Variants in CRYBG3 observed in about 807,000 individuals in gnomAD.
CRYBG3 encodes the protein very large A-kinase anchor protein.
In CRYBG3, 127 loss-of-function variants were observed where a neutral mutation model predicts 244.2. The observed-to-expected ratio is 0.52, with a 90% CI of 0.45 to 0.60. The LOEUF is 0.60. CRYBG3 is among the 20% of genes least tolerant of loss of function. The pLI is 0.00. For missense variants in CRYBG3, 3,325 were observed against 3,442.5 expected (o/e 0.97, Z 0.85); for synonymous variants, 1,132 against 1,195.8 (o/e 0.95, Z 1.10).
intron 2 of CRYBG3, among the ~76,000 whole-genome samples, chr3:97,863,329 A>G (rs2039177575): frequency 6.6e-6 from 1 of 152,154 alleles, no homozygotes. Context: ...CATGAAGTGG[A>G]ATGCCAACAT....
At chr3:97,893,459 T>C (rs1302278510) in intron 11 of CRYBG3, among the ~76,000 whole-genome samples, 2 of 152,240 alleles carry the variant, frequency 1.3e-5, no homozygotes, top group African/African-American at 4.8e-5. Context: ...GAACTGCTTT[T>C]GAGGAAGCTC....
Position 97,876,184 on chromosome 3 carries a change from A to G in CRYBG3, c.4990A>G (p.Thr1664Ala), listed in dbSNP as rs2039369442. Reference sequence around the variant, plus strand: ...TGTAAAGACTGAGATGACACCTGTTACAGTAGACATGGAAAATATTTACCA... The same window carrying G: ...TGTAAAGACTGAGATGACACCTGTTGCAGTAGACATGGAAAATATTTACCA... ...DIVKTEMTPV[T>A]VDMENIYQTH... is the part of the protein sequence containing the mutation. The change falls in exon 4 of 22, where the codon ACA (threonine) becomes GCA (alanine). Residue 1664 changes from threonine (T) to alanine (A), a missense_variant. Physicochemically the swap from Thr to Ala is moderately conservative, Grantham distance 58 (BLOSUM62 0). Coordinates refer to ENST00000389622, the MANE Select transcript of CRYBG3 (RefSeq NM_153605.4). The G allele has an allele frequency of 8.1e-7, 1 of 1,231,990 alleles. No homozygotes were observed. The highest frequency in any genetic ancestry group is 1.0e-6 in the Non-Finnish European group (1 of 987,920). The allele number at this position is 1,231,990 out of a possible 1,614,324, so 76.3% of individuals were successfully genotyped here.
rs759773352 is a variant in CRYBG3, at chr3:97,875,865, T to C, written c.4671T>C (p.Asn1557=). ...CAAACAAAAAGGATGCTGAATTGAA[T>C]ATTCTGAAATATGAGGCAGTCCCTC... The part of the protein sequence containing the change: ...GKTNKKDAEL[N]ILKYEAVPPM... The change falls in exon 4 of 22, where the codon AAT becomes AAC. Residue 1557 remains asparagine, a synonymous_variant. Transcript: ENST00000389622. 4.9e-6 allele frequency: 6 copies of C among 1,231,876 alleles called. No homozygotes were observed. Among genetic ancestry groups the C allele is most frequent in the Non-Finnish European group, 5.1e-6 (5 of 987,888 alleles). 76.3% of individuals were successfully genotyped at this position (1,231,876 alleles called of 1,614,324 possible). A position where few individuals can be genotyped will look rare whatever the true frequency, so the allele number is the denominator to read the frequency against.
At chr3:97,836,796 C>T (rs1445712007) in intron 1 of CRYBG3, among the ~76,000 whole-genome samples, 2 of 152,086 alleles carry the variant, frequency 1.3e-5, no homozygotes, top group African/African-American at 2.4e-5. Context: ...AAATAAGGGA[C>T]GGTAGACATT....
intron 2 of CRYBG3, among the ~76,000 whole-genome samples, chr3:97,860,831 G>A (rs1326218056): frequency 4.6e-5 from 7 of 151,874 alleles, no homozygotes; most frequent in African/African-American, 2.4e-5. Flanking sequence ...TTTCCATAGG[G>A]ATCTTTTGTT....
At chr3:97,914,016 G>A (rs533349374) in intron 16 of CRYBG3, among the ~76,000 whole-genome samples, 1 of 151,952 alleles carries the variant, frequency 6.6e-6, no homozygotes, top group Non-Finnish European at 1.5e-5. Context: ...TGTGACCCCT[G>A]CTTAATAATA....
chr3:97,838,575 G>A (rs1055061703), intron 1 of CRYBG3, among the ~76,000 whole-genome samples: 1 of 152,074 alleles, frequency 6.6e-6, no homozygotes, highest in African/African-American at 2.4e-5. Flanking sequence ...ATATAGACAT[G>A]AGTTCTGAAA....
At chr3:97,896,223 C>A in intron 12 of CRYBG3, 138 bp downstream of exon 12, 1 of 697,078 alleles carries the variant, frequency 1.4e-6, no homozygotes, top group Non-Finnish European at 2.2e-6. Context: ...GCTTATGCAA[C>A]TTGCCTGTTT....
At chr3:97,828,267 T>G (rs2038604491) in intron 1 of CRYBG3, among the ~76,000 whole-genome samples, 1 of 152,176 alleles carries the variant, frequency 6.6e-6, no homozygotes, top group Non-Finnish European at 1.5e-5. Flanking sequence ...TATTGCAGAT[T>G]CACATACTCA....
In CRYBG3 at chr3:97,872,207, G is replaced by A. The variant is rs1265932812; in HGVS notation, c.1013G>A (p.Trp338Ter). 3.3e-6 allele frequency: 5 copies of A among 1,535,542 alleles called. No homozygotes were observed. In the Middle Eastern group the frequency reaches 6.7e-4, roughly 205 times the overall value. ...SSNNLLNKNA[W>*]GSIERNRSSP... is the part of the protein sequence containing the mutation. The stretch of plus-strand genomic sequence containing the variant: ...AATAATCTTTTAAATAAAAATGCTT[G>A]GGGGAGTATTGAGAGAAATAGGTCA... The change falls in exon 4 of 22, where the codon TGG becomes TAG. Residue 338 changes from tryptophan to a stop codon, truncating the protein, a stop_gained. Transcript: ENST00000389622. LOFTEE classifies it high-confidence loss of function.
rs2039335851 is a variant in CRYBG3, at chr3:97,873,841, G to C, written c.2647G>C (p.Gly883Arg). Residue 883 changes from glycine (G) to arginine (R), a missense_variant, in exon 4 of 22, where the codon GGC (glycine) becomes CGC (arginine). By Grantham distance (125) the Gly-to-Arg change is moderately radical (BLOSUM62 -2). Coordinates refer to ENST00000389622, the MANE Select transcript of CRYBG3 (RefSeq NM_153605.4). ...SELTFLEVEQ[G>R]KRFQSINHNE... ...ATTAACCTTTCTAGAAGTTGAACAG[G>C]GCAAACGTTTTCAATCAATTAATCA... The C allele has an allele frequency of 6.5e-7, 1 of 1,534,806 alleles. No individual in the cohort carries two copies.
chr3:97,860,555 A>G (rs2039131337), intron 2 of CRYBG3, among the ~76,000 whole-genome samples: 1 of 152,130 alleles, frequency 6.6e-6, no homozygotes, highest in Non-Finnish European at 1.5e-5. Flanking sequence ...GGGGATGAAT[A>G]TTGTAAGTAG....
chr3:97,872,509 T>C lies in CRYBG3; in HGVS notation c.1315T>C (p.Cys439Arg), dbSNP rs2039317229. The C allele has an allele frequency of 3.9e-6, 6 of 1,535,964 alleles. No homozygotes were observed. The Admixed American group carries it at 9.8e-5, about 25-fold the overall frequency. The change falls in exon 4 of 22, where the codon TGT becomes CGT. Residue 439 changes from cysteine to arginine, a missense_variant. Cys to Arg is a radical substitution (Grantham distance 180). Transcript: ENST00000389622. ...PQGPAISDFS[C>R]SKSDGSDTTE... Reference sequence around the variant, plus strand: ...GGGCCCTGCTATTTCTGATTTCTCTTGTAGTAAATCTGATGGGAGTGACAC... The same window carrying C: ...GGGCCCTGCTATTTCTGATTTCTCTCGTAGTAAATCTGATGGGAGTGACAC...
intron 16 of CRYBG3, among the ~76,000 whole-genome samples, chr3:97,914,221 G>A (rs1416192674): frequency 2.0e-5 from 3 of 151,970 alleles, no homozygotes; most frequent in African/African-American, 7.3e-5. Flanking sequence ...ACATAAAGTA[G>A]GGCAGTATAA....
chr3:97,864,220 C>T lies in CRYBG3; in HGVS notation c.220C>T (p.Arg74Cys), dbSNP rs1273506422. The change falls in exon 3 of 22, where the codon CGC (arginine) becomes TGC (cysteine). Residue 74 changes from arginine (R) to cysteine (C), a missense_variant. Physicochemically the swap from Arg to Cys is radical, Grantham distance 180. Around this residue, in one of 4 missense-constraint regions of CRYBG3, gnomAD observed 1,526 missense variants for 1,443.2 expected, o/e 1.06. Transcript: ENST00000389622. ...ATTGTCTATTTTGTTTTCAAAGATT[C>T]GCCAAAGTGAGGACAAAAGGAACCA... ...NVLSSEAVKI[R>C]QSEDKRNHAE... 24 of 1,481,128 alleles carry T rather than the reference C, an allele frequency of 1.6e-5. No individual in the cohort carries two copies. Among genetic ancestry groups the T allele is most frequent in the East Asian group, 1.2e-4 (5 of 40,526 alleles). 91.7% of individuals were successfully genotyped at this position (1,481,128 alleles called of 1,614,324 possible).
At chr3:97,935,586 T>A (rs1017161911) in intron 18 of CRYBG3, among the ~76,000 whole-genome samples, 10 of 152,082 alleles carry the variant, frequency 6.6e-5, no homozygotes, top group African/African-American at 2.2e-4. Context: ...TCCCCACAAC[T>A]TATGCTCAAG....
rs1049753006 is a variant in CRYBG3 at position 97,864,628 on chromosome 3, G to C, written c.628G>C (p.Glu210Gln). The C allele has an allele frequency of 6.6e-7, 1 of 1,517,160 alleles. No homozygotes were observed. Among genetic ancestry groups the C allele is most frequent in the East Asian group, 2.5e-5 (1 of 40,724 alleles). The allele number at this position is 1,517,160 out of a possible 1,614,324, so 94.0% of individuals were successfully genotyped here. Reference protein sequence around the residue: ...SLDTTQDSDQETTNLLKQIDG... With the variant: ...SLDTTQDSDQQTTNLLKQIDG... ...GGATACAACACAAGACAGTGACCAA[G>C]AAACCACTAATTTGCTAAAGTAAGT... Residue 210 changes from glutamate to glutamine, a missense_variant, in exon 3 of 22, where the codon GAA becomes CAA. Transcript: ENST00000389622.
Position 97,873,874 on chromosome 3 carries a change from A to G in CRYBG3, c.2680A>G (p.Ile894Val). 6.5e-7 allele frequency: 1 copy of G among 1,535,864 alleles called. No homozygotes were observed. The highest frequency in any genetic ancestry group is 8.7e-7 in the Non-Finnish European group (1 of 1,146,796). The change falls in exon 4 of 22, where the codon ATA becomes GTA. Residue 894 changes from isoleucine (I) to valine (V), a missense_variant. By Grantham distance (29) the Ile-to-Val change is conservative. This residue lies in a region of CRYBG3 where 1,526 missense variants were observed against 1,443.2 expected (regional missense o/e 1.06). Transcript: ENST00000389622. ...KRFQSINHNE[I>V]GEKCSDAGLK... Reference sequence around the variant, plus strand: ...TTTTCAATCAATTAATCATAATGAGATAGGAGAGAAATGTTCAGATGCTGG... The same window carrying G: ...TTTTCAATCAATTAATCATAATGAGGTAGGAGAGAAATGTTCAGATGCTGG...
At chr3:97,932,849 C>A (rs565473421) in intron 17 of CRYBG3, among the ~76,000 whole-genome samples, 16 of 152,042 alleles carry the variant, frequency 1.1e-4, no homozygotes, top group Non-Finnish European at 2.4e-4. Flanking sequence ...CATCTTCTTT[C>A]CAGATCCACT....
Sources: allele counts gnomAD v4.1 joint callset (sites outside exome capture counted in the v4.1 genomes callset), GRCh38; gene constraint gnomAD v4.1.1; regional missense constraint gnomAD v4.1.1; transcripts MANE v1.5; gene names NCBI Gene and HGNC (gene_info 2026-07-23, HGNC 2026-07-21).